The following DOCK3 variants were observed in gnomAD, a reference collection of about 807,000 sequenced individuals.
DOCK3 encodes dedicator of cytokinesis protein 3.
In DOCK3, 60 loss-of-function variants were observed where a neutral mutation model predicts 265.6. The ratio of observed to expected loss-of-function variants is 0.23; its 90% CI spans 0.18 to 0.28. The LOEUF (loss-of-function observed/expected upper bound fraction) is 0.28, where lower values mean the gene tolerates loss of function less well. Ranked by LOEUF, DOCK3 falls within the 10% of genes least tolerant of loss-of-function variation. The pLI, the probability that DOCK3 is intolerant of heterozygous loss-of-function variation, is 1.00. For missense variants in DOCK3, 1,981 were observed against 2,594.3 expected (o/e 0.76, Z 5.14); for synonymous variants, 881 against 938.0 (o/e 0.94, Z 1.11).
At chr3:50,842,264 A>C (rs984327640) in intron 3 of DOCK3, among the ~76,000 whole-genome samples, 2 of 152,224 alleles carry the variant, frequency 1.3e-5, no homozygotes, top group African/African-American at 2.4e-5. Context: ...ATGTATTTGC[A>C]AACACTTCTT....
intron 9 of DOCK3, among the ~76,000 whole-genome samples, chr3:51,133,495 A>T (rs1389919833): frequency 4.6e-5 from 7 of 151,990 alleles, no homozygotes; most frequent in Admixed American, 3.3e-4. Flanking sequence ...ACATGAACTC[A>T]TCCTTTTTTA....
chr3:51,321,593 C>T (rs1174282685), intron 32 of DOCK3, among the ~76,000 whole-genome samples: 2 of 151,990 alleles, frequency 1.3e-5, no homozygotes, highest in Admixed American at 1.3e-4. Context: ...AAAGGTTAGA[C>T]GAATTGCTAA....
chr3:51,026,541 A>G (rs1344360974), intron 5 of DOCK3, among the ~76,000 whole-genome samples: 1 of 151,616 alleles, frequency 6.6e-6, no homozygotes, highest in Non-Finnish European at 1.5e-5. Flanking sequence ...TTCTTGAAGT[A>G]GTTTCAGTAT....
intron 5 of DOCK3, among the ~76,000 whole-genome samples, chr3:50,949,896 A>C: frequency 6.6e-6 from 1 of 151,908 alleles, no homozygotes; most frequent in East Asian, 1.9e-4. Context: ...ATCCTCTATT[A>C]TAGTTTTATT....
chr3:50,759,073 G>T (rs1194200440), intron 1 of DOCK3, among the ~76,000 whole-genome samples: 1 of 152,124 alleles, frequency 6.6e-6, no homozygotes, highest in African/African-American at 2.4e-5. Flanking sequence ...TAGAACACGG[G>T]TATACAAATA....
intron 1 of DOCK3, among the ~76,000 whole-genome samples, chr3:50,703,355 C>T (rs541016630): frequency 3.9e-5 from 6 of 151,974 alleles, no homozygotes; most frequent in East Asian, 1.9e-4. Flanking sequence ...GTATTGCTTG[C>T]CCTGTTGAAT....
At chr3:50,801,210 T>G (rs2043048573) in intron 2 of DOCK3, among the ~76,000 whole-genome samples, 1 of 152,156 alleles carries the variant, frequency 6.6e-6, no homozygotes, top group South Asian at 2.1e-4. Flanking sequence ...GGGTTCTGAT[T>G]CCTGACACAT....
At chr3:51,070,009 C>T (rs2081785858) in intron 6 of DOCK3, among the ~76,000 whole-genome samples, 4 of 152,164 alleles carry the variant, frequency 2.6e-5, no homozygotes, top group Non-Finnish European at 5.9e-5. Context: ...TGTTCACAGT[C>T]TGGGATGTCT....
At chr3:51,018,436 A>G (rs903982817) in intron 5 of DOCK3, among the ~76,000 whole-genome samples, 2 of 68,504 alleles carry the variant, frequency 2.9e-5, no homozygotes, top group Non-Finnish European at 6.7e-5. Flanking sequence ...TATCTCCACA[A>G]AAAAGTTTTT....
intron 32 of DOCK3, 114 bp downstream of exon 32, chr3:51,315,242 A>C: frequency 1.5e-6 from 2 of 1,307,020 alleles, no homozygotes; most frequent in South Asian, 1.8e-5. Context: ...AGTTTGGCTA[A>C]TTTGAATCCT....
rs72943888 is a variant in DOCK3, at chr3:51,330,360, C to T, written c.3488+137C>T. The T allele has an allele frequency of 3.1e-3, 2,030 of 657,936 alleles. 26 individuals are homozygous for T. The African/African-American group carries it at 0.033, about 11-fold the overall frequency. 40.8% of individuals were successfully genotyped at this position (657,936 alleles called of 1,614,324 possible). A position where few individuals can be genotyped will look rare whatever the true frequency, so the allele number is the denominator to read the frequency against. ...GGACCTGGGTTGTTCCTGATGGTAG[C>T]AATGCTCAACTTCTGTCAACAAGAA... is the stretch of plus-strand genomic sequence containing the variant. On this transcript the variant is annotated intron_variant, in intron 33 of 52. Coordinates refer to ENST00000266037, the MANE Select transcript of DOCK3 (RefSeq NM_004947.5).
At chr3:51,293,524 C>T (rs902720073) in intron 27 of DOCK3, among the ~76,000 whole-genome samples, 1 of 151,976 alleles carries the variant, frequency 6.6e-6, no homozygotes, top group African/African-American at 2.4e-5. Context: ...TAGAAGAAAA[C>T]ATAGGGGAAA....
intron 1 of DOCK3, among the ~76,000 whole-genome samples, chr3:50,708,251 G>A (rs145526228): frequency 6.6e-6 from 1 of 152,192 alleles, no homozygotes; most frequent in Admixed American, 6.5e-5. Flanking sequence ...AGGGGTTGAG[G>A]TTGCTGTCAG....
chr3:51,005,428 T>C (rs2078643084), intron 5 of DOCK3, among the ~76,000 whole-genome samples: 1 of 152,186 alleles, frequency 6.6e-6, no homozygotes, highest in Non-Finnish European at 1.5e-5. Context: ...GACTTGCATA[T>C]TGCTTCCTTG....
chr3:50,971,515 C>A (rs1262756858), intron 5 of DOCK3, among the ~76,000 whole-genome samples: 1 of 152,132 alleles, frequency 6.6e-6, no homozygotes, highest in Non-Finnish European at 1.5e-5. Context: ...AACAGTCTCA[C>A]TCCCTCTTGC....
intron 5 of DOCK3, among the ~76,000 whole-genome samples, chr3:51,025,963 A>T (rs185237214): frequency 6.6e-6 from 1 of 152,162 alleles, no homozygotes; most frequent in African/African-American, 2.4e-5. Context: ...CACCTGTCTC[A>T]TGGAGTAGGC....
At chr3:51,369,368 A>G (rs2087503135) in intron 49 of DOCK3, among the ~76,000 whole-genome samples, 1 of 152,254 alleles carries the variant, frequency 6.6e-6, no homozygotes, top group South Asian at 2.1e-4. Context: ...TGGAGCTGAA[A>G]ACCATGGCAT....
intron 27 of DOCK3, among the ~76,000 whole-genome samples, chr3:51,293,049 C>T (rs952197302): frequency 6.6e-6 from 1 of 151,634 alleles, no homozygotes; most frequent in East Asian, 1.9e-4. Context: ...GTTTATAATC[C>T]CTAAAGCAAT....
chr3:51,358,351 G>C (rs972607137), intron 46 of DOCK3, among the ~76,000 whole-genome samples: 4 of 152,320 alleles, frequency 2.6e-5, no homozygotes, highest in African/African-American at 4.8e-5. Flanking sequence ...CTAGTAGACA[G>C]GTTTTCATAT....
Sources: allele counts gnomAD v4.1 joint callset (sites outside exome capture counted in the v4.1 genomes callset), GRCh38; gene constraint gnomAD v4.1.1; transcripts MANE v1.5; gene names NCBI Gene and HGNC (gene_info 2026-07-23, HGNC 2026-07-21).